The following ANK2 variants were observed in gnomAD, a reference collection of about 807,000 sequenced individuals.
The protein encoded by ANK2 is ankyrin-2.
ANK2 carries 83 observed loss-of-function variants against 360.5 expected under a neutral mutation model. That is an observed-to-expected ratio of 0.23 (90% CI 0.19 to 0.28). The LOEUF (loss-of-function observed/expected upper bound fraction) is 0.28. ANK2 is among the 10% of genes least tolerant of loss of function. The pLI is 1.00. For missense variants in ANK2, 4,201 were observed against 4,795.7 expected, an observed-to-expected ratio of 0.88 and a Z score of 3.66; for synonymous variants, 1,740 against 1,759.5, an observed-to-expected ratio of 0.99 and a Z score of 0.28.
the ANK2 span, chr4:112,788,392 G>A: frequency 7.6e-6 from 12 of 1,584,936 alleles, no homozygotes; most frequent in Middle Eastern, 2.3e-4. Flanking sequence ...CAGCCAGCTC[G>A]ATGGGATCCA....
chr4:112,730,636 C>CAAAAAAAAAAAAAAAAAA, the ANK2 span, among the ~76,000 whole-genome samples: 1 of 57,944 alleles, frequency 1.7e-5, no homozygotes, highest in Non-Finnish European at 3.1e-5. Flanking sequence ...GACTCCATCT[C>CAAAAAAAAAAAAAAAAAA]AAAAAAAAAA....
At chr4:113,348,219 C>T in intron 35 of ANK2, 57 bp from the exon 36 acceptor site, 6 of 1,559,484 alleles carry the variant, frequency 3.8e-6, no homozygotes, top group South Asian at 3.3e-5. Context: ...CTTCTAAATA[C>T]TCTCTACTCT....
At chr4:112,969,423 C>T (rs558068027) in intron 2 of ANK2, among the ~76,000 whole-genome samples, 8 of 152,238 alleles carry the variant, frequency 5.3e-5, no homozygotes, top group South Asian at 2.1e-4. Flanking sequence ...TTTTATCTTC[C>T]GCCTTCCTCT....
chr4:113,189,427 T>G (rs1421518359), intron 2 of ANK2, among the ~76,000 whole-genome samples: 1 of 152,194 alleles, frequency 6.6e-6, no homozygotes, highest in African/African-American at 2.4e-5. Flanking sequence ...TATTGATACC[T>G]TGAAATATAG....
chr4:113,071,299 A>G (rs1485160211), intron 1 of ANK2, among the ~76,000 whole-genome samples: 2 of 152,188 alleles, frequency 1.3e-5, no homozygotes, highest in African/African-American at 4.8e-5. Flanking sequence ...AGCAGACGGG[A>G]TAGTAGGCTA....
At chr4:112,911,935 T>G (rs1419334010) in intron 2 of ANK2, among the ~76,000 whole-genome samples, 1 of 152,088 alleles carries the variant, frequency 6.6e-6, no homozygotes, top group Non-Finnish European at 1.5e-5. Context: ...CCCAGCACTT[T>G]GGGAGGCTGA....
chr4:112,843,299 T>C (rs745336315), intron 1 of ANK2, among the ~76,000 whole-genome samples: 28 of 152,174 alleles, frequency 1.8e-4, no homozygotes, highest in Non-Finnish European at 2.5e-4. Context: ...TTATATTAAA[T>C]TAGCACTTCT....
intron 2 of ANK2, among the ~76,000 whole-genome samples, chr4:112,923,037 T>C (rs1456213640): frequency 6.6e-6 from 1 of 151,962 alleles, no homozygotes. Context: ...GATTTAAATG[T>C]CACAAGATAT....
At chr4:112,995,453 T>C (rs2048214474) in intron 2 of ANK2, among the ~76,000 whole-genome samples, 2 of 152,186 alleles carry the variant, frequency 1.3e-5, no homozygotes, top group Admixed American at 1.3e-4. Flanking sequence ...GGGTTATTTG[T>C]TTTTTGTGTG....
At chr4:112,892,096 A>G (rs540888735) in intron 1 of ANK2, among the ~76,000 whole-genome samples, 1 of 152,266 alleles carries the variant, frequency 6.6e-6, no homozygotes, top group East Asian at 1.9e-4. Context: ...AGAAATATTT[A>G]GCACCTGATG....
rs1219646157 is a variant in ANK2, at chr4:112,911,170, A to T, written c.21+6656A>T. Among the ~76,000 whole-genome samples, 3 of 127,106 alleles carry T rather than the reference A, an allele frequency of 2.4e-5. No homozygotes were observed. The East Asian group carries it at 7.8e-4, about 33-fold the overall frequency. The allele number at this position is 127,106 out of a possible 152,430, so 83.4% of individuals were successfully genotyped here. On this transcript the variant is annotated intron_variant, in intron 2 of 30. Coordinates refer to the ANK2 transcript ENST00000503271. ...ACTTTAGTAGAGACGGGGTTTCACC[A>T]TGTTGGCCAAGATGGTGCTTTTTTT...
At chr4:112,911,252 A>G (rs2087223130) in intron 2 of ANK2, among the ~76,000 whole-genome samples, 1 of 134,604 alleles carries the variant, frequency 7.4e-6, no homozygotes, top group Non-Finnish European at 1.5e-5. Context: ...TCATGCCTGT[A>G]ATCTCAACAC....
intron 7 of ANK2, among the ~76,000 whole-genome samples, chr4:113,239,057 A>G (rs1304001238): frequency 6.6e-6 from 1 of 152,192 alleles, no homozygotes. Context: ...ACATGAAATA[A>G]ATTTAGTCAA....
At chr4:112,903,526 T>A (rs938876576) in intron 1 of ANK2, among the ~76,000 whole-genome samples, 1 of 152,210 alleles carries the variant, frequency 6.6e-6, no homozygotes, top group African/African-American at 2.4e-5. Flanking sequence ...AAAGTTCCAA[T>A]ATGCTTTGAA....
chr4:112,758,078 T>G, the ANK2 span, among the ~76,000 whole-genome samples: 1 of 11,054 alleles, frequency 9.0e-5, no homozygotes, highest in South Asian at 3.2e-3. Context: ...TAATTTTGTA[T>G]TTTTTTTTTT....
chr4:113,153,357 AT>A (rs1280468003), intron 1 of ANK2, among the ~76,000 whole-genome samples: 10 of 152,336 alleles, frequency 6.6e-5, no homozygotes, highest in Admixed American at 3.9e-4. Context: ...ATTAGAAAGC[AT>A]CTTCTAAGAT....
At chr4:112,919,514 C>T (rs1432255100) in intron 2 of ANK2, among the ~76,000 whole-genome samples, 2 of 151,956 alleles carry the variant, frequency 1.3e-5, no homozygotes, top group Non-Finnish European at 2.9e-5. Context: ...TACTAATTTT[C>T]ATGTATGTTT....
the ANK2 span, among the ~76,000 whole-genome samples, chr4:112,775,515 T>TCACA: frequency 0.025 from 2,909 of 118,138 alleles, 125 homozygotes; most frequent in African/African-American, 0.074. Flanking sequence ...CTAAGCTCCA[T>TCACA]CACACACACA....
chr4:113,291,384 G>A (rs1429075729), intron 20 of ANK2, among the ~76,000 whole-genome samples: 1 of 152,150 alleles, frequency 6.6e-6, no homozygotes, highest in Admixed American at 6.5e-5. Flanking sequence ...AGGTTTCCTG[G>A]GGTCATCCCA....
Sources: allele counts gnomAD v4.1 joint callset (sites outside exome capture counted in the v4.1 genomes callset), GRCh38; gene constraint gnomAD v4.1.1; transcripts MANE v1.5; gene names NCBI Gene and HGNC (gene_info 2026-07-23, HGNC 2026-07-21).